MS4A12: variants seen among roughly 807,000 people sequenced by gnomAD.
MS4A12 encodes membrane-spanning 4-domains subfamily A member 12.
Under a neutral mutation model 23.7 loss-of-function variants are expected in MS4A12, and 28 were observed. The ratio of observed to expected loss-of-function variants is 1.18; its 90% CI spans 0.88 to 1.62. MS4A12 has a LOEUF of 1.62. Ranked by LOEUF, MS4A12 falls within the 40% of genes most tolerant of loss-of-function variation. The pLI is 0.00. For missense variants in MS4A12, 342 were observed against 327.0 expected (o/e 1.05, Z -0.35); for synonymous variants, 108 against 110.1 (o/e 0.98, Z 0.12).
chr11:60,504,146 AGT>A (rs745529241), intron 5 of MS4A12, among the ~76,000 whole-genome samples: 1 of 152,242 alleles, frequency 6.6e-6, no homozygotes, highest in Non-Finnish European at 1.5e-5. Flanking sequence ...TAAATAAGGT[AGT>A]CAAGCTATTG....
rs923379997 is a variant in MS4A12, at chr11:60,497,599, G to A, written c.276+5G>A. 5.0e-6 allele frequency: 8 copies of A among 1,613,462 alleles called. No individual in the cohort carries two copies. Among genetic ancestry groups the A allele is most frequent in the Non-Finnish European group, 6.8e-6 (8 of 1,179,502 alleles). ...GAAGAAGCAAAGGCACTAGGGGTAA[G>A]TCTATTTACTACCAGAATTTTAATT... On this transcript the variant is annotated splice_donor_5th_base_variant and intron_variant, in intron 2 of 6. Transcript: ENST00000016913.
chr11:60,497,211 C>A, intron 1 of MS4A12, 102 bp from the exon 2 acceptor site: 2 of 1,319,612 alleles, frequency 1.5e-6, no homozygotes, highest in Non-Finnish European at 2.1e-6. Flanking sequence ...CTCACTTGTT[C>A]TCTCCATTTG....
chr11:60,501,971 C>T lies in MS4A12; in HGVS notation c.415-12C>T, dbSNP rs1324659292. 1 of 1,606,838 alleles carries T rather than the reference C, an allele frequency of 6.2e-7. No homozygotes were observed. Among genetic ancestry groups the T allele is most frequent in the South Asian group, 1.1e-5 (1 of 90,364 alleles). ...TAACCCATTTCACAAATAAATTTGT[C>T]CATTTCCACAGTTTATTATCTCTGG... On this transcript the variant is annotated splice_polypyrimidine_tract_variant and intron_variant, in intron 3 of 6. Coordinates refer to ENST00000016913, the MANE Select transcript of MS4A12 (RefSeq NM_017716.3).
chr11:60,498,829 G>A (rs2086509259), intron 2 of MS4A12, among the ~76,000 whole-genome samples: 1 of 152,166 alleles, frequency 6.6e-6, no homozygotes. Flanking sequence ...AGATATTAGG[G>A]AAAGAGAAAA....
At chr11:60,500,520 T>G (rs980475834) in intron 2 of MS4A12, among the ~76,000 whole-genome samples, 2 of 152,160 alleles carry the variant, frequency 1.3e-5, no homozygotes, top group African/African-American at 4.8e-5. Context: ...CCTGATATCT[T>G]TATGTCTCTG....
intron 1 of MS4A12, chr11:60,493,128 C>G (rs1254390689): frequency 6.6e-6 from 1 of 152,214 alleles, no homozygotes; most frequent in Non-Finnish European, 1.5e-5. Context: ...GTAAACCCAG[C>G]TCTTTGGGAG....
chr11:60,502,096 G>C (rs2086534906), intron 4 of MS4A12, 57 bp downstream of exon 4: 1 of 1,498,348 alleles, frequency 6.7e-7, no homozygotes. Flanking sequence ...TAACATATTG[G>C]GGAGGAAAAT....
chr11:60,500,100 G>A (rs553370032), intron 2 of MS4A12, among the ~76,000 whole-genome samples: 1 of 152,018 alleles, frequency 6.6e-6, no homozygotes, highest in African/African-American at 2.4e-5. Context: ...AATTAGCCAG[G>A]CATGGTGGCG....
At chr11:60,505,667 A>T (rs943559463) in intron 5 of MS4A12, among the ~76,000 whole-genome samples, 6 of 152,176 alleles carry the variant, frequency 3.9e-5, no homozygotes, top group South Asian at 4.1e-4. Flanking sequence ...CCAAAAAAAA[A>T]TACTGAGAAG....
chr11:60,493,591 A>T (rs114551470), intron 1 of MS4A12, among the ~76,000 whole-genome samples: 1,541 of 152,304 alleles, frequency 0.01, 29 homozygotes, highest in African/African-American at 0.036. Context: ...TTCTGACAAG[A>T]AAACAATTAA....
In MS4A12 at chr11:60,503,877, A is replaced by G. The variant is rs1427227840; in HGVS notation, c.588+60A>G. 5.5e-6 allele frequency: 8 copies of G among 1,451,064 alleles called. No homozygotes were observed. In the Admixed American group the frequency reaches 1.3e-4, roughly 23 times the overall value. The allele number at this position is 1,451,064 out of a possible 1,614,324, so 89.9% of individuals were successfully genotyped here. A position where few individuals can be genotyped will look rare whatever the true frequency, so the allele number is the denominator to read the frequency against. On this transcript the variant is annotated intron_variant, in intron 5 of 6. Coordinates refer to ENST00000016913, the MANE Select transcript of MS4A12 (RefSeq NM_017716.3). ...ATTTTCAGTCCCGTAAAGTGGGTCT[A>G]TGTTTTATTTCTTAATACCGTATAC...
rs2086549400 is a variant in MS4A12, at chr11:60,503,791, G to A, written c.562G>A (p.Val188Ile). The A allele has an allele frequency of 1.2e-6, 2 of 1,613,830 alleles. No individual in the cohort carries two copies. The highest frequency in any genetic ancestry group is 1.7e-6 in the Non-Finnish European group (2 of 1,179,816). ...GCTGGTGGATATGTGCATCAATGGG[G>A]TAGCTGGCCAAGACTACTGGGCCGT... The part of the protein sequence containing the change: ...LLLVDMCING[V>I]AGQDYWAVLS... The change falls in exon 5 of 7, where the codon GTA becomes ATA. Residue 188 changes from valine to isoleucine, a missense_variant. Val to Ile is a conservative substitution (Grantham distance 29). Transcript: ENST00000016913.
At chr11:60,494,417 C>T (rs554340865) in intron 1 of MS4A12, among the ~76,000 whole-genome samples, 2 of 152,236 alleles carry the variant, frequency 1.3e-5, no homozygotes, top group South Asian at 4.1e-4. Flanking sequence ...AAATCATATA[C>T]ATGCAGAAAC....
At chr11:60,501,222 A>G (rs2086528286) in intron 3 of MS4A12, 40 bp downstream of exon 3, 2 of 1,547,998 alleles carry the variant, frequency 1.3e-6, no homozygotes, top group African/African-American at 2.8e-5. Flanking sequence ...CTTGGTTTAT[A>G]AAGTATTCCC....
intron 2 of MS4A12, among the ~76,000 whole-genome samples, chr11:60,500,206 A>C (rs891337299): frequency 6.6e-6 from 1 of 150,720 alleles, no homozygotes; most frequent in African/African-American, 2.4e-5. Context: ...ATGCCACTGC[A>C]CTCCAGCCTG....
At chr11:60,498,335 T>A (rs1006526960) in intron 2 of MS4A12, among the ~76,000 whole-genome samples, 4 of 152,226 alleles carry the variant, frequency 2.6e-5, no homozygotes, top group Non-Finnish European at 5.9e-5. Flanking sequence ...TGAATGCTCA[T>A]TATGTGCCAG....
chr11:60,500,091 A>G (rs2086518468), intron 2 of MS4A12, among the ~76,000 whole-genome samples: 1 of 152,014 alleles, frequency 6.6e-6, no homozygotes, highest in Admixed American at 6.5e-5. Flanking sequence ...ACAAAAAGAA[A>G]TTAGCCAGGC....
At position 60,503,795 on chromosome 11, in the gene MS4A12, C is replaced by T. The variant is rs1444358113; in HGVS notation, c.566C>T (p.Ala189Val). Residue 189 changes from alanine to valine, a missense_variant, in exon 5 of 7, where the codon GCT becomes GTT. Ala to Val is a moderately conservative substitution (Grantham distance 64). Transcript: ENST00000016913. Reference sequence around the variant, plus strand: ...GTGGATATGTGCATCAATGGGGTAGCTGGCCAAGACTACTGGGCCGTGGTA... The same window carrying T: ...GTGGATATGTGCATCAATGGGGTAGTTGGCCAAGACTACTGGGCCGTGGTA... ...LLVDMCINGV[A>V]GQDYWAVLSG... 2 of 1,613,714 alleles carry T rather than the reference C, an allele frequency of 1.2e-6. No homozygotes were observed. Among genetic ancestry groups the T allele is most frequent in the Non-Finnish European group, 1.7e-6 (2 of 1,179,782 alleles).
chr11:60,496,386 T>A (rs2086487659), intron 1 of MS4A12, among the ~76,000 whole-genome samples: 1 of 152,226 alleles, frequency 6.6e-6, no homozygotes, highest in Admixed American at 6.5e-5. Flanking sequence ...GAATTAATAG[T>A]CATTGTTGTC....
Sources: allele counts gnomAD v4.1 joint callset (sites outside exome capture counted in the v4.1 genomes callset), GRCh38; gene constraint gnomAD v4.1.1; transcripts MANE v1.5; gene names NCBI Gene and HGNC (gene_info 2026-07-23, HGNC 2026-07-21).